The following CFAP299 variants were observed in gnomAD, a reference collection of about 807,000 sequenced individuals.
CFAP299 encodes the protein cilia and flagella associated protein 299.
A neutral mutation model predicts 27.0 loss-of-function variants in CFAP299; 21 were observed. The ratio of observed to expected loss-of-function variants is 0.78; its 90% CI spans 0.55 to 1.12. CFAP299 has a LOEUF of 1.12. CFAP299 is among the 50% of genes most tolerant of loss of function. CFAP299 has a pLI of 0.00. For synonymous variants in CFAP299, 104 were observed against 98.1 expected, an observed-to-expected ratio of 1.06 and a Z score of -0.36; for missense variants, 310 against 276.6, an observed-to-expected ratio of 1.12 and a Z score of -0.86.
intron 3 of CFAP299, among the ~76,000 whole-genome samples, chr4:80,623,514 A>G (rs1306971590): frequency 6.6e-6 from 1 of 152,196 alleles, no homozygotes; most frequent in African/African-American, 2.4e-5. Flanking sequence ...TCCATACACA[A>G]AAATATTCTT....
chr4:80,508,946 A>T (rs1341391468), intron 2 of CFAP299, among the ~76,000 whole-genome samples: 1 of 152,170 alleles, frequency 6.6e-6, no homozygotes, highest in Non-Finnish European at 1.5e-5. Flanking sequence ...GCAATATGAG[A>T]TATGATGGAG....
At chr4:80,720,991 A>G (rs888194904) in intron 3 of CFAP299, among the ~76,000 whole-genome samples, 5 of 152,326 alleles carry the variant, frequency 3.3e-5, no homozygotes, top group Non-Finnish European at 7.4e-5. Flanking sequence ...TATACTGGAT[A>G]TAGCTAACAG....
chr4:80,779,751 C>T (rs554882442), intron 3 of CFAP299, among the ~76,000 whole-genome samples: 4 of 151,960 alleles, frequency 2.6e-5, no homozygotes, highest in Non-Finnish European at 5.9e-5. Context: ...TACCACCCCC[C>T]TAATTGGCAC....
intron 4 of CFAP299, among the ~76,000 whole-genome samples, chr4:80,926,314 T>C (rs757088412): frequency 1.3e-4 from 20 of 151,930 alleles, no homozygotes; most frequent in Non-Finnish European, 2.5e-4. Flanking sequence ...GCCATCGATG[T>C]TAGGAAAGTA....
chr4:80,618,390 G>A (rs1738405727), intron 3 of CFAP299, among the ~76,000 whole-genome samples: 1 of 152,176 alleles, frequency 6.6e-6, no homozygotes, highest in Admixed American at 6.6e-5. Context: ...TACTACTGAA[G>A]GACAACCAGC....
At chr4:80,949,484 T>C (rs763020167) in intron 5 of CFAP299, among the ~76,000 whole-genome samples, 4 of 150,216 alleles carry the variant, frequency 2.7e-5, no homozygotes, top group African/African-American at 4.9e-5. Context: ...AAAGGATGAT[T>C]AGAAATTGAA....
At chr4:80,383,407 CA>C (rs1180045445) in intron 2 of CFAP299, among the ~76,000 whole-genome samples, 2 of 152,016 alleles carry the variant, frequency 1.3e-5, no homozygotes, top group African/African-American at 4.8e-5. Context: ...CCCAGAACAA[CA>C]AAACCATTGA....
intron 3 of CFAP299, among the ~76,000 whole-genome samples, chr4:80,684,509 C>T (rs1720057327): frequency 6.6e-6 from 1 of 152,184 alleles, no homozygotes; most frequent in African/African-American, 2.4e-5. Flanking sequence ...TCGTGATCCA[C>T]CCGCCTCGGC....
intron 3 of CFAP299, among the ~76,000 whole-genome samples, chr4:80,621,030 C>T (rs556814372): frequency 6.6e-6 from 1 of 151,876 alleles, no homozygotes; most frequent in African/African-American, 2.4e-5. Flanking sequence ...TATCATTAAC[C>T]AAGTAACCTT....
Position 80,653,634 on chromosome 4 carries a change from T to A in CFAP299, c.333+70451T>A, listed in dbSNP as rs942527495. Among the ~76,000 whole-genome samples, 4 of 152,166 alleles carry A rather than the reference T, an allele frequency of 2.6e-5. No homozygotes were observed. In the East Asian group the frequency reaches 5.8e-4, roughly 22 times the overall value. ...AAAAAAACATATTAGCACTTCCATT[T>A]ATATTCGTTTTGAATGTAACACAAG... On this transcript the variant is annotated intron_variant, in intron 3 of 5. Coordinates refer to ENST00000358105, the MANE Select transcript of CFAP299 (RefSeq NM_152770.3).
At chr4:80,885,417 C>T (rs1403663038) in intron 4 of CFAP299, among the ~76,000 whole-genome samples, 1 of 152,140 alleles carries the variant, frequency 6.6e-6, no homozygotes, top group East Asian at 1.9e-4. Context: ...CTGCACCATC[C>T]CTATCCTAAT....
intron 3 of CFAP299, among the ~76,000 whole-genome samples, chr4:80,672,654 G>C (rs1455388559): frequency 6.6e-6 from 1 of 151,988 alleles, no homozygotes; most frequent in African/African-American, 2.4e-5. Context: ...TTGTTGGTTG[G>C]CTATTAATTA....
At chr4:80,404,881 AT>A (rs1190709187) in intron 2 of CFAP299, among the ~76,000 whole-genome samples, 1 of 152,146 alleles carries the variant, frequency 6.6e-6, no homozygotes, top group African/African-American at 2.4e-5. Context: ...TAGCTGAAGC[AT>A]TTGACATTTC....
chr4:80,842,444 C>T (rs1730913089), intron 3 of CFAP299, among the ~76,000 whole-genome samples: 1 of 152,116 alleles, frequency 6.6e-6, no homozygotes. Flanking sequence ...TCATATATAA[C>T]TTGAGAAAAT....
At position 80,518,685 on chromosome 4, in the gene CFAP299, G is replaced by T. The variant is rs185937174; in HGVS notation, c.243-64408G>T. Among the ~76,000 whole-genome samples, 759 of 152,266 alleles carry T rather than the reference G, an allele frequency of 5.0e-3. 3 individuals carry two copies. Among genetic ancestry groups the T allele is most frequent in the Non-Finnish European group, 7.4e-3 (506 of 68,008 alleles). On this transcript the variant is annotated intron_variant, in intron 2 of 5. Transcript: ENST00000358105. ...AAAAAATGACTGAACAAGCTTCTAT[G>T]TTGGGTGGTGAGCAGGGAAAGATAA...
intron 3 of CFAP299, among the ~76,000 whole-genome samples, chr4:80,758,409 C>T (rs1372987538): frequency 2.0e-5 from 3 of 152,126 alleles, no homozygotes; most frequent in Non-Finnish European, 4.4e-5. Context: ...CTTCTCCTCT[C>T]TCTGCCAGCC....
At chr4:80,471,125 A>G (rs756498794) in intron 2 of CFAP299, among the ~76,000 whole-genome samples, 2 of 152,118 alleles carry the variant, frequency 1.3e-5, no homozygotes, top group African/African-American at 4.8e-5. Flanking sequence ...AAATTGCTCA[A>G]GCCTCATAGT....
intron 4 of CFAP299, among the ~76,000 whole-genome samples, chr4:80,894,232 TA>T (rs1192296119): frequency 1.3e-5 from 2 of 150,914 alleles, no homozygotes; most frequent in African/African-American, 4.9e-5. Context: ...TACAGGGATG[TA>T]AAAAAAAAGA....
chr4:80,585,555 G>A (rs1231115456), intron 3 of CFAP299, among the ~76,000 whole-genome samples: 1 of 152,172 alleles, frequency 6.6e-6, no homozygotes, highest in Non-Finnish European at 1.5e-5. Context: ...AGGCAATGAA[G>A]CCAAAGAGAT....
Sources: gnomAD v4.1 joint callset for allele counts (sites outside exome capture counted in the v4.1 genomes callset) on GRCh38, gnomAD v4.1.1 for gene constraint, MANE v1.5 for transcripts, NCBI Gene and HGNC (gene_info 2026-07-23, HGNC 2026-07-21) for gene names.